FSD1L: variants seen among roughly 807,000 people sequenced by gnomAD.
The protein encoded by FSD1L is FSD1-like protein.
In FSD1L, 45 loss-of-function variants were observed where a neutral mutation model predicts 71.6. That is an observed-to-expected ratio of 0.63 (90% CI 0.49 to 0.81). The LOEUF (loss-of-function observed/expected upper bound fraction) is 0.81, where lower values mean the gene tolerates loss of function less well. FSD1L is among the 30% of genes least tolerant of loss of function. The pLI, the probability that FSD1L is intolerant of heterozygous loss-of-function variation, is 0.00. For synonymous variants in FSD1L, 197 were observed against 207.2 expected (o/e 0.95, Z 0.42); for missense variants, 561 against 618.1 (o/e 0.91, Z 0.98).
At chr9:105,519,141 C>A (rs912101175) in intron 10 of FSD1L, among the ~76,000 whole-genome samples, 3 of 152,280 alleles carry the variant, frequency 2.0e-5, no homozygotes, top group South Asian at 4.1e-4. Flanking sequence ...ATAACAAATT[C>A]TGAAATTGAG....
chr9:105,546,230 G>T (rs369406940), intron 13 of FSD1L, 128 bp from the exon 14 acceptor site: 1 of 773,504 alleles, frequency 1.3e-6, no homozygotes. Context: ...GCTGAAATAT[G>T]ACAGTTAATG....
intron 9 of FSD1L, among the ~76,000 whole-genome samples, chr9:105,510,697 T>C (rs1320726397): frequency 6.6e-6 from 1 of 152,222 alleles, no homozygotes; most frequent in African/African-American, 2.4e-5. Flanking sequence ...ATGAGTAATA[T>C]AAGTTCTTAT....
At chr9:105,445,966 A>G (rs2812302), upstream of FSD1L, among the ~76,000 whole-genome samples, 41,853 of 152,040 alleles carry the variant, frequency 0.28, 6,008 homozygotes, top group Non-Finnish European at 0.31. Flanking sequence ...GCCTTAGCCA[A>G]GCTCTTCTTT....
chr9:105,533,578 A>T (rs1241959192), intron 10 of FSD1L, among the ~76,000 whole-genome samples: 1 of 148,512 alleles, frequency 6.7e-6, no homozygotes, highest in Non-Finnish European at 1.5e-5. Flanking sequence ...ACCCACAACC[A>T]CACCCAGCTA....
intron 10 of FSD1L, 33 bp downstream of exon 10, chr9:105,512,969 A>G: frequency 6.8e-7 from 1 of 1,475,388 alleles, no homozygotes; most frequent in Non-Finnish European, 9.0e-7. Context: ...CCATATGGAC[A>G]AATGCTTGTA....
Position 105,456,871 on chromosome 9 carries a change from T to C in FSD1L, c.16-4649T>C, listed in dbSNP as rs556329208. Among the ~76,000 whole-genome samples, 8 of 152,362 alleles carry C rather than the reference T, an allele frequency of 5.3e-5. No individual in the cohort carries two copies. In the South Asian group the frequency reaches 6.2e-4, roughly 12 times the overall value. On this transcript the variant is annotated intron_variant, in intron 1 of 13. Coordinates refer to ENST00000481272, the MANE Select transcript of FSD1L (RefSeq NM_001145313.3). ...TTGTCACCACATGAATCTTATAAAA[T>C]ATAATTTTCTAGATAAGCTTCAGAT...
intron 8 of FSD1L, among the ~76,000 whole-genome samples, chr9:105,508,303 G>A (rs1188000708): frequency 6.7e-6 from 1 of 149,438 alleles, no homozygotes; most frequent in East Asian, 2.0e-4. Flanking sequence ...TCAGCCTCCC[G>A]AGTAGCTGGG....
chr9:105,502,704 C>T (rs1833834304), intron 7 of FSD1L, among the ~76,000 whole-genome samples: 1 of 152,114 alleles, frequency 6.6e-6, no homozygotes, highest in African/African-American at 2.4e-5. Flanking sequence ...CTCAACCTTA[C>T]TTCTTCCCTT....
chr9:105,458,023 C>T (rs1281050530), intron 1 of FSD1L, among the ~76,000 whole-genome samples: 1 of 152,220 alleles, frequency 6.6e-6, no homozygotes, highest in Non-Finnish European at 1.5e-5. Context: ...GGGTGCTACA[C>T]CTCTCTTGTT....
rs2131556567 is a variant in FSD1L at position 105,550,005 on chromosome 9, A to G, written c.*3522A>G. On this transcript the variant is annotated 3_prime_UTR_variant, in exon 14 of 14. Coordinates refer to ENST00000481272, the MANE Select transcript of FSD1L (RefSeq NM_001145313.3). ...TATTTTAAAATAATTATTTTTTTAA[A>G]AACGTAATTTGTTTTTAAAAGATGA... The G allele has an allele frequency of 6.6e-6, 1 of 152,092 alleles. No individual in the cohort carries two copies. The highest frequency in any genetic ancestry group is 3.4e-3 in the Middle Eastern group (1 of 294). 9.4% of individuals were successfully genotyped at this position (152,092 alleles called of 1,614,324 possible).
In FSD1L at chr9:105,506,415, G is replaced by T. The variant is rs61996263; in HGVS notation, c.603G>T (p.Glu201Asp). 7.7e-5 allele frequency: 119 copies of T among 1,550,594 alleles called. No individual in the cohort carries two copies. In the African/African-American group the frequency reaches 1.4e-3, roughly 18 times the overall value. Residue 201 changes from glutamate to aspartate, a missense_variant, in exon 8 of 14, where the codon GAG becomes GAT. Transcript: ENST00000481272. ...TCTTTGCAGTCCCCAAAGCTCCAGA[G>T]ATAGATCCAGTAGAGTGTTTGGTGG... is the stretch of plus-strand genomic sequence containing the variant. ...LKFLPVPKAPEIDPVECLVAD... is the reference protein window; with the variant it reads ...LKFLPVPKAPDIDPVECLVAD...
At chr9:105,473,585 AGTT>A (rs1424711791) in intron 5 of FSD1L, among the ~76,000 whole-genome samples, 1 of 152,174 alleles carries the variant, frequency 6.6e-6, no homozygotes, top group Non-Finnish European at 1.5e-5. Context: ...GGAGTAGGGC[AGTT>A]GTTAATGACA....
At chr9:105,536,497 A>G (rs936074792) in intron 12 of FSD1L, among the ~76,000 whole-genome samples, 8 of 152,162 alleles carry the variant, frequency 5.3e-5, no homozygotes, top group African/African-American at 1.9e-4. Flanking sequence ...TGGCTATGCT[A>G]TTTCTAATAG....
intron 7 of FSD1L, among the ~76,000 whole-genome samples, chr9:105,495,471 G>T (rs559632531): frequency 1.1e-4 from 16 of 152,168 alleles, no homozygotes; most frequent in Non-Finnish European, 2.2e-4. Context: ...GCAATGCCTC[G>T]CCCTGCTTCG....
At chr9:105,517,664 C>G (rs896632431) in intron 10 of FSD1L, among the ~76,000 whole-genome samples, 1 of 152,132 alleles carries the variant, frequency 6.6e-6, no homozygotes, top group Non-Finnish European at 1.5e-5. Flanking sequence ...GAAGGAAGCA[C>G]TAAACATGGA....
chr9:105,456,537 A>G (rs552429151), intron 1 of FSD1L, among the ~76,000 whole-genome samples: 2 of 152,256 alleles, frequency 1.3e-5, no homozygotes, highest in Admixed American at 1.3e-4. Context: ...AGTAACTTAT[A>G]TCTTGTACAT....
intron 7 of FSD1L, among the ~76,000 whole-genome samples, chr9:105,492,047 T>C (rs1832979703): frequency 6.6e-6 from 1 of 151,988 alleles, no homozygotes; most frequent in Non-Finnish European, 1.5e-5. Flanking sequence ...TCTTTTTTAT[T>C]GATTGGAATA....
In FSD1L at chr9:105,548,338, A is replaced by G. The variant is rs1403217022; in HGVS notation, c.*1855A>G. The G allele has an allele frequency of 6.6e-6, 1 of 152,504 alleles. No individual in the cohort carries two copies. The highest frequency in any genetic ancestry group is 1.5e-5 in the Non-Finnish European group (1 of 67,994). 9.4% of individuals were successfully genotyped at this position (152,504 alleles called of 1,614,324 possible). On this transcript the variant is annotated 3_prime_UTR_variant, in exon 14 of 14. Coordinates refer to ENST00000481272, the MANE Select transcript of FSD1L (RefSeq NM_001145313.3). Reference sequence around the variant, plus strand: ...CATAGACTCAAACCTGAAAGCAGAAATTTTTAGTAGTTGAGTTGCTTTAAG... The same window carrying G: ...CATAGACTCAAACCTGAAAGCAGAAGTTTTTAGTAGTTGAGTTGCTTTAAG...
chr9:105,458,223 C>A (rs1224513590), intron 1 of FSD1L, among the ~76,000 whole-genome samples: 2 of 152,208 alleles, frequency 1.3e-5, no homozygotes, highest in Non-Finnish European at 1.5e-5. Context: ...CTCAGGGAAT[C>A]CCGAGGTCTA....
Sources: gnomAD v4.1 joint callset for allele counts (sites outside exome capture counted in the v4.1 genomes callset) on GRCh38, gnomAD v4.1.1 for gene constraint, MANE v1.5 for transcripts, NCBI Gene and HGNC (gene_info 2026-07-23, HGNC 2026-07-21) for gene names.